The following UNC5D variants were observed in gnomAD, a reference collection of about 807,000 sequenced individuals.
UNC5D encodes the protein unc-5 netrin receptor D.
Under a neutral mutation model 105.4 loss-of-function variants are expected in UNC5D, and 39 were observed. The ratio of observed to expected loss-of-function variants is 0.37; its 90% CI spans 0.29 to 0.48. The LOEUF (loss-of-function observed/expected upper bound fraction) is 0.48. UNC5D is among the 20% of genes least tolerant of loss of function. The probability of loss-of-function intolerance (pLI) is 0.98; values close to 1 mark genes in which losing one functional copy is unlikely to be tolerated. For missense variants in UNC5D, 991 were observed against 1,202.4 expected (o/e 0.82, Z 2.60); for synonymous variants, 452 against 450.4 (o/e 1.00, Z -0.04).
chr8:35,426,416 C>T (rs76941672), intron 1 of UNC5D, among the ~76,000 whole-genome samples: 4,039 of 152,284 alleles, frequency 0.027, 179 homozygotes, highest in African/African-American at 0.093. Context: ...TTTCTCCTCT[C>T]TTCTGAATAA....
At chr8:35,650,114 TACAAAAAACAAACAAAAA>T (rs879526157) in intron 4 of UNC5D, among the ~76,000 whole-genome samples, 11 of 151,750 alleles carry the variant, frequency 7.2e-5, no homozygotes, top group Admixed American at 7.2e-4. Context: ...GTATTGAAAC[TACAAAAAACAAACAAAAA>T]ACAAAAAACA....
chr8:35,653,733 T>C (rs1478287244), intron 4 of UNC5D, among the ~76,000 whole-genome samples: 2 of 152,254 alleles, frequency 1.3e-5, no homozygotes, highest in Non-Finnish European at 2.9e-5. Context: ...TAAATTTCAT[T>C]AATTTTCATT....
chr8:35,247,671 T>C (rs1452494873), intron 1 of UNC5D, among the ~76,000 whole-genome samples: 8 of 20,602 alleles, frequency 3.9e-4, no homozygotes, highest in Non-Finnish European at 5.0e-4. Flanking sequence ...ATATATAATA[T>C]ATAAATATAT....
In UNC5D at chr8:35,659,707, C is replaced by T. The variant is rs146398897; in HGVS notation, c.571-23840C>T. Among the ~76,000 whole-genome samples, 363 of 152,366 alleles carry T rather than the reference C, an allele frequency of 2.4e-3. 3 individuals carry two copies. The highest frequency in any genetic ancestry group is 7.8e-3 in the African/African-American group (326 of 41,600). On this transcript the variant is annotated intron_variant, in intron 4 of 16. Coordinates refer to ENST00000404895, the MANE Select transcript of UNC5D (RefSeq NM_080872.4). The stretch of plus-strand genomic sequence containing the variant: ...GTGATATAAATGGGTCTTGTCTCCA[C>T]AGCAAGTGCGTGTTCCATGAGAATG...
At chr8:35,772,100 G>A (rs1329448205) in intron 15 of UNC5D, among the ~76,000 whole-genome samples, 1 of 152,054 alleles carries the variant, frequency 6.6e-6, no homozygotes, top group African/African-American at 2.4e-5. Flanking sequence ...TAATATTCCA[G>A]GAACATAACT....
chr8:35,378,811 G>A (rs1305849296), intron 1 of UNC5D, among the ~76,000 whole-genome samples: 2 of 152,202 alleles, frequency 1.3e-5, no homozygotes. Context: ...GTGCAGGATG[G>A]ATGAGGAATG....
chr8:35,406,177 C>T (rs1563386392), intron 1 of UNC5D, among the ~76,000 whole-genome samples: 1 of 152,010 alleles, frequency 6.6e-6, no homozygotes, highest in East Asian at 1.9e-4. Flanking sequence ...ATTATAATTA[C>T]TTTTTAAAAA....
intron 1 of UNC5D, among the ~76,000 whole-genome samples, chr8:35,248,638 T>G (rs1242663431): frequency 1.0e-5 from 1 of 99,408 alleles, no homozygotes; most frequent in Non-Finnish European, 1.7e-5. Context: ...ATATGTTATA[T>G]ATAATATATA....
At chr8:35,589,476 A>G (rs1384592692) in intron 3 of UNC5D, among the ~76,000 whole-genome samples, 3 of 151,790 alleles carry the variant, frequency 2.0e-5, no homozygotes, top group Non-Finnish European at 2.9e-5. Context: ...CTTTTTAATA[A>G]TAACTGTACT....
At chr8:35,734,573 G>A (rs1019030735) in intron 11 of UNC5D, among the ~76,000 whole-genome samples, 1 of 151,722 alleles carries the variant, frequency 6.6e-6, no homozygotes. Flanking sequence ...ACCATGCCTG[G>A]CTAATTTTGT....
chr8:35,444,674 G>C (rs931505778), intron 1 of UNC5D, among the ~76,000 whole-genome samples: 1 of 151,940 alleles, frequency 6.6e-6, no homozygotes, highest in African/African-American at 2.4e-5. Flanking sequence ...TGTGGACCCA[G>C]GATGGAAATT....
chr8:35,781,081 A>G (rs969104711), intron 16 of UNC5D, among the ~76,000 whole-genome samples: 6 of 152,174 alleles, frequency 3.9e-5, no homozygotes, highest in African/African-American at 1.2e-4. Context: ...AATGAAGCCC[A>G]TATCAGGTTT....
chr8:35,402,217 G>A lies in UNC5D; in HGVS notation c.104-147075G>A, dbSNP rs562614729. Among the ~76,000 whole-genome samples, 7 of 152,160 alleles carry A rather than the reference G, an allele frequency of 4.6e-5. 1 individual carries two copies. The highest frequency in any genetic ancestry group is 1.7e-4 in the African/African-American group (7 of 41,494). ...TGTATTAATCCATTTTTATACTGCT[G>A]ATAAAGACATACCCAAGACTGGGTA... On this transcript the variant is annotated intron_variant, in intron 1 of 16. Coordinates refer to ENST00000404895, the MANE Select transcript of UNC5D (RefSeq NM_080872.4).
At chr8:35,635,094 T>C (rs891643184) in intron 4 of UNC5D, among the ~76,000 whole-genome samples, 4 of 152,306 alleles carry the variant, frequency 2.6e-5, no homozygotes, top group Non-Finnish European at 5.9e-5. Flanking sequence ...TACACAAATT[T>C]GACACTGACT....
chr8:35,741,914 T>C (rs1317200921), intron 11 of UNC5D, among the ~76,000 whole-genome samples: 1 of 152,214 alleles, frequency 6.6e-6, no homozygotes, highest in Non-Finnish European at 1.5e-5. Flanking sequence ...AGTATAATTT[T>C]AAACAAGCTT....
rs144916195 is a variant in UNC5D at position 35,533,903 on chromosome 8, G to T, written c.104-15389G>T. Reference sequence around the variant, plus strand: ...TGAGGCAATGCCTCGCCATGCTTCGGCTTGCGCACGGTGCGCGCACCCACT... The same window carrying T: ...TGAGGCAATGCCTCGCCATGCTTCGTCTTGCGCACGGTGCGCGCACCCACT... On this transcript the variant is annotated intron_variant, in intron 1 of 16. Transcript: ENST00000404895. 3.4e-4 allele frequency among the ~76,000 whole-genome samples: 52 copies of T among 152,294 alleles called. No homozygotes were observed. In the East Asian group the frequency reaches 9.9e-3, roughly 29 times the overall value.
intron 1 of UNC5D, among the ~76,000 whole-genome samples, chr8:35,393,124 A>ATT (rs1803876417): frequency 9.6e-6 from 1 of 104,492 alleles, no homozygotes; most frequent in Non-Finnish European, 2.0e-5. Flanking sequence ...ACCTATTCCT[A>ATT]CTTTTTTTTT....
chr8:35,671,077 TCTC>T (rs1305562630), intron 4 of UNC5D, among the ~76,000 whole-genome samples: 2 of 152,062 alleles, frequency 1.3e-5, no homozygotes, highest in Non-Finnish European at 2.9e-5. Context: ...TCCCTTTTCT[TCTC>T]CTCCCCTTTT....
chr8:35,608,032 C>T (rs1375024992), intron 4 of UNC5D, among the ~76,000 whole-genome samples: 1 of 152,100 alleles, frequency 6.6e-6, no homozygotes, highest in Non-Finnish European at 1.5e-5. Flanking sequence ...TGCATGGCCT[C>T]ATACTTTATA....
Sources: allele counts gnomAD v4.1 joint callset (sites outside exome capture counted in the v4.1 genomes callset), GRCh38; gene constraint gnomAD v4.1.1; transcripts MANE v1.5; gene names NCBI Gene and HGNC (gene_info 2026-07-23, HGNC 2026-07-21).